GABRB1: variants seen among roughly 807,000 people sequenced by gnomAD.
GABRB1 encodes gamma-aminobutyric acid type A receptor subunit beta1, also known as gamma-aminobutyric acid receptor subunit beta-1.
GABRB1 carries 17 observed loss-of-function variants against 51.6 expected under a neutral mutation model. That is an observed-to-expected ratio of 0.33 (90% confidence interval 0.23 to 0.49). GABRB1 has a LOEUF of 0.49. GABRB1 is among the 20% of genes least tolerant of loss of function. The pLI is 0.99. For missense variants in GABRB1, 410 were observed against 600.6 expected (o/e 0.68, Z 3.32); for synonymous variants, 247 against 218.9 (o/e 1.13, Z -1.14).
intron 3 of GABRB1, chr4:47,032,690 G>A (rs1460159124): frequency 3.4e-5 from 24 of 714,374 alleles, no homozygotes; most frequent in African/African-American, 5.2e-5. Flanking sequence ...TGTTCCAGGG[G>A]AAACGTGCTC....
intron 3 of GABRB1, among the ~76,000 whole-genome samples, chr4:47,130,024 A>T (rs1170393996): frequency 6.6e-6 from 1 of 152,196 alleles, no homozygotes; most frequent in Non-Finnish European, 1.5e-5. Context: ...AAAGTCTGCT[A>T]ACAAATTTCC....
In GABRB1 at chr4:47,245,456, T is replaced by A. The variant is rs151289115; in HGVS notation, c.462-74671T>A. Among the ~76,000 whole-genome samples, 8 of 152,212 alleles carry A rather than the reference T, an allele frequency of 5.3e-5. No homozygotes were observed. In the East Asian group the frequency reaches 1.4e-3, roughly 26 times the overall value. On this transcript the variant is annotated intron_variant, in intron 4 of 8. Transcript: ENST00000295454. ...ACACAAGGAACTGAGTTTTCCTTGC[T>A]CCCTGGAAAAGATTTTAGGGACTCT... is the stretch of plus-strand genomic sequence containing the variant.
At chr4:47,302,181 GGA>G (rs1367992285) in intron 4 of GABRB1, among the ~76,000 whole-genome samples, 2 of 151,996 alleles carry the variant, frequency 1.3e-5, no homozygotes, top group Non-Finnish European at 2.9e-5. Flanking sequence ...AATGTACAGG[GGA>G]GATACTGTGA....
At chr4:47,328,120 T>A (rs1725325199) in intron 5 of GABRB1, among the ~76,000 whole-genome samples, 2 of 152,350 alleles carry the variant, frequency 1.3e-5, no homozygotes, top group African/African-American at 4.8e-5. Context: ...TTTTGCGAAG[T>A]GTCTGTTCAT....
At chr4:47,066,664 A>C (rs1481675955) in intron 3 of GABRB1, among the ~76,000 whole-genome samples, 2 of 152,204 alleles carry the variant, frequency 1.3e-5, no homozygotes, top group African/African-American at 2.4e-5. Flanking sequence ...AGATTGCAAC[A>C]ATTCAGTCAC....
intron 3 of GABRB1, among the ~76,000 whole-genome samples, chr4:47,101,229 T>C (rs1167715835): frequency 6.6e-6 from 1 of 152,020 alleles, no homozygotes; most frequent in African/African-American, 2.4e-5. Flanking sequence ...AAATATTTTT[T>C]GGATGAATGA....
intron 4 of GABRB1, among the ~76,000 whole-genome samples, chr4:47,294,769 G>A (rs184865967): frequency 0.043 from 6,615 of 152,274 alleles, 368 homozygotes; most frequent in East Asian, 0.28. Flanking sequence ...CTCCCAGCAC[G>A]CAGCTGCAGA....
intron 5 of GABRB1, among the ~76,000 whole-genome samples, chr4:47,335,137 T>C (rs994053303): frequency 6.6e-6 from 1 of 152,148 alleles, no homozygotes; most frequent in Non-Finnish European, 1.5e-5. Context: ...TTAGCATGAA[T>C]TGTGAGCTTC....
chr4:47,163,430 A>G (rs1022567279), intron 4 of GABRB1, among the ~76,000 whole-genome samples: 4 of 152,052 alleles, frequency 2.6e-5, no homozygotes, highest in African/African-American at 9.7e-5. Context: ...AGTGCCTATT[A>G]TCTGCCACAC....
rs368208992 is a variant in GABRB1 at position 47,099,990 on chromosome 4, G to A, written c.241-61259G>A. ...TTTTACTCTGGAAACTACATTCAGA[G>A]ATTATCAAAGGAGGAATATAATAAA... On this transcript the variant is annotated intron_variant, in intron 3 of 8. Transcript: ENST00000295454. Among the ~76,000 whole-genome samples the A allele has an allele frequency of 2.2e-4, 34 of 151,978 alleles. 1 individual carries two copies. Among genetic ancestry groups the A allele is most frequent in the African/African-American group, 7.7e-4 (32 of 41,478 alleles).
At chr4:47,058,754 A>G (rs996208875) in intron 3 of GABRB1, among the ~76,000 whole-genome samples, 1 of 152,172 alleles carries the variant, frequency 6.6e-6, no homozygotes, top group Non-Finnish European at 1.5e-5. Flanking sequence ...GACAACTCTA[A>G]TAGATTGCCT....
chr4:47,302,843 T>G (rs4235146), intron 4 of GABRB1, among the ~76,000 whole-genome samples: 44,890 of 151,794 alleles, frequency 0.3, 7,467 homozygotes, highest in Middle Eastern at 0.41. Flanking sequence ...GGTTCCAATT[T>G]CAGGTTACCA....
chr4:47,039,466 T>A (rs577195219), intron 3 of GABRB1, among the ~76,000 whole-genome samples: 48 of 151,532 alleles, frequency 3.2e-4, no homozygotes, highest in Non-Finnish European at 5.9e-4. Flanking sequence ...AATCATGAAG[T>A]GAAGATTTTT....
chr4:47,090,883 C>G (rs1728262957), intron 3 of GABRB1, among the ~76,000 whole-genome samples: 1 of 152,156 alleles, frequency 6.6e-6, no homozygotes, highest in Non-Finnish European at 1.5e-5. Flanking sequence ...TGAGCCACCT[C>G]AAATATCATT....
At chr4:47,107,837 A>G (rs1191963345) in intron 3 of GABRB1, among the ~76,000 whole-genome samples, 1 of 152,088 alleles carries the variant, frequency 6.6e-6, no homozygotes, top group African/African-American at 2.4e-5. Context: ...CCAAAACTTA[A>G]AAGAGCTCAT....
intron 8 of GABRB1, among the ~76,000 whole-genome samples, chr4:47,417,303 T>C (rs1358519950): frequency 6.6e-6 from 1 of 152,152 alleles, no homozygotes; most frequent in Non-Finnish European, 1.5e-5. Flanking sequence ...ATTTCCTGAA[T>C]AATATAATTT....
At chr4:47,146,609 G>T (rs1185427635) in intron 3 of GABRB1, among the ~76,000 whole-genome samples, 1 of 151,924 alleles carries the variant, frequency 6.6e-6, no homozygotes, top group Non-Finnish European at 1.5e-5. Context: ...CTCCGTGGAG[G>T]CATCTATCCA....
chr4:47,179,920 C>T (rs753785712), intron 4 of GABRB1, among the ~76,000 whole-genome samples: 2 of 151,974 alleles, frequency 1.3e-5, no homozygotes, highest in Admixed American at 6.6e-5. Flanking sequence ...ATTACTATTG[C>T]TAGAACTTTA....
At chr4:47,347,125 TA>T (rs34038421) in intron 5 of GABRB1, among the ~76,000 whole-genome samples, 1 of 151,732 alleles carries the variant, frequency 6.6e-6, no homozygotes, top group Non-Finnish European at 1.5e-5. Context: ...CTACTAAACA[TA>T]AAAAAATTAG....
Sources: allele counts gnomAD v4.1 joint callset (sites outside exome capture counted in the v4.1 genomes callset), GRCh38; gene constraint gnomAD v4.1.1; transcripts MANE v1.5; gene names NCBI Gene and HGNC (gene_info 2026-07-23, HGNC 2026-07-21).